Variants in RIMS2 observed in about 807,000 individuals in gnomAD.
RIMS2 encodes the protein regulating synaptic membrane exocytosis protein 2.
RIMS2 carries 59 observed loss-of-function variants against 174.4 expected under a neutral mutation model. The ratio of observed to expected loss-of-function variants is 0.34; its 90% CI spans 0.27 to 0.42. The LOEUF (loss-of-function observed/expected upper bound fraction) is 0.42, where lower values mean the gene tolerates loss of function less well. Ranked by LOEUF, RIMS2 falls within the 10% of genes least tolerant of loss-of-function variation. RIMS2 has a pLI of 1.00. For synonymous variants in RIMS2, 606 were observed against 572.5 expected (o/e 1.06, Z -0.84); for missense variants, 1,620 against 1,666.3 (o/e 0.97, Z 0.48).
intron 19 of RIMS2, among the ~76,000 whole-genome samples, chr8:104,217,262 GT>G (rs971189874): frequency 1.1e-5 from 1 of 88,594 alleles, no homozygotes; most frequent in Non-Finnish European, 1.9e-5. Flanking sequence ...TGAATATCTT[GT>G]TTTTTTGTTT....
chr8:104,076,630 AG>A (rs1252587625), intron 19 of RIMS2, among the ~76,000 whole-genome samples: 2 of 152,124 alleles, frequency 1.3e-5, no homozygotes, highest in Non-Finnish European at 2.9e-5. Flanking sequence ...TTTAGTGATT[AG>A]GGTTAAATAA....
At chr8:103,752,498 G>A (rs555980852) in intron 2 of RIMS2, among the ~76,000 whole-genome samples, 1 of 152,232 alleles carries the variant, frequency 6.6e-6, no homozygotes, top group East Asian at 1.9e-4. Context: ...AAAGTCATTG[G>A]TAGCTTGATG....
intron 1 of RIMS2, among the ~76,000 whole-genome samples, chr8:103,595,803 A>G (rs2094458483): frequency 1.3e-5 from 2 of 152,114 alleles, no homozygotes; most frequent in South Asian, 4.1e-4. Flanking sequence ...ATTTAGTCGT[A>G]GTATAATTTT....
intron 17 of RIMS2, among the ~76,000 whole-genome samples, chr8:104,004,394 GTTTC>G: frequency 6.6e-6 from 1 of 152,060 alleles, no homozygotes; most frequent in Non-Finnish European, 1.5e-5. Flanking sequence ...TAAAGGAATA[GTTTC>G]AAGAAGAAAG....
rs551168809 is a variant in RIMS2 at position 104,232,839 on chromosome 8, T to G, written c.3335-12077T>G. Among the ~76,000 whole-genome samples the G allele has an allele frequency of 5.5e-4, 84 of 151,904 alleles. 1 individual carries two copies. The highest frequency in any genetic ancestry group is 1.1e-3 in the Non-Finnish European group (73 of 67,992). On this transcript the variant is annotated intron_variant, in intron 19 of 23. Transcript: ENST00000504942. ...CAAAGCAGGCTAGAAAAGTAGCACCTTCCTATTTTAACTTCTATAGTTGAA... is the reference window on the plus strand; with the variant it reads ...CAAAGCAGGCTAGAAAAGTAGCACCGTCCTATTTTAACTTCTATAGTTGAA...
chr8:103,745,146 C>A (rs2097796173), intron 2 of RIMS2, among the ~76,000 whole-genome samples: 1 of 152,178 alleles, frequency 6.6e-6, no homozygotes, highest in South Asian at 2.1e-4. Context: ...TCATCACTAT[C>A]TTCCCAAAAA....
chr8:104,041,996 G>C (rs948909695), intron 19 of RIMS2, among the ~76,000 whole-genome samples: 4 of 151,480 alleles, frequency 2.6e-5, no homozygotes, highest in African/African-American at 9.7e-5. Flanking sequence ...ATGTGGTACT[G>C]TTCTAGGTGC....
chr8:104,118,465 C>A (rs1373574170), intron 19 of RIMS2, among the ~76,000 whole-genome samples: 1 of 150,222 alleles, frequency 6.7e-6, no homozygotes, highest in Non-Finnish European at 1.5e-5. Flanking sequence ...CTCCCAGGTT[C>A]AAGCAATTCT....
chr8:104,031,918 GT>G (rs1475203552), intron 19 of RIMS2, among the ~76,000 whole-genome samples: 5 of 151,414 alleles, frequency 3.3e-5, no homozygotes, highest in Non-Finnish European at 7.4e-5. Flanking sequence ...GATTAGTGTG[GT>G]AAATACTTTA....
intron 1 of RIMS2, among the ~76,000 whole-genome samples, chr8:103,683,832 T>G (rs896628122): frequency 6.6e-6 from 1 of 152,190 alleles, no homozygotes; most frequent in Non-Finnish European, 1.5e-5. Context: ...GGTGCTTGTT[T>G]TGTGTTAGCA....
At chr8:103,592,739 G>A (rs1410384663) in intron 1 of RIMS2, among the ~76,000 whole-genome samples, 1 of 151,434 alleles carries the variant, frequency 6.6e-6, no homozygotes, top group African/African-American at 2.4e-5. Flanking sequence ...TAAGGTATTA[G>A]CATTAAACTT....
At chr8:104,196,306 G>A (rs547825063) in intron 19 of RIMS2, among the ~76,000 whole-genome samples, 4 of 152,032 alleles carry the variant, frequency 2.6e-5, no homozygotes, top group African/African-American at 9.6e-5. Flanking sequence ...TTGGTTCACT[G>A]ATCGATTCTG....
At chr8:103,785,012 T>G (rs1032677904) in intron 3 of RIMS2, among the ~76,000 whole-genome samples, 2 of 141,660 alleles carry the variant, frequency 1.4e-5, no homozygotes, top group African/African-American at 5.4e-5. Flanking sequence ...TTCCTAGGTA[T>G]TTTATTCTCT....
chr8:103,553,740 G>A (rs1849116395), intron 1 of RIMS2, among the ~76,000 whole-genome samples: 3 of 150,914 alleles, frequency 2.0e-5, no homozygotes, highest in Admixed American at 6.6e-5. Context: ...AGCCCAAATA[G>A]CCAAGGCAAT....
intron 3 of RIMS2, among the ~76,000 whole-genome samples, chr8:103,770,726 A>ATT (rs11368780): frequency 4.1e-4 from 61 of 147,874 alleles, no homozygotes; most frequent in South Asian, 6.5e-4. Flanking sequence ...AATTAAACCT[A>ATT]TTTTTTTTTT....
rs186945128 is a variant in RIMS2, at chr8:104,157,659, T to C, written c.3335-87257T>C. 5.3e-5 allele frequency among the ~76,000 whole-genome samples: 8 copies of C among 152,356 alleles called. No homozygotes were observed. The East Asian group carries it at 1.5e-3, about 29-fold the overall frequency. On this transcript the variant is annotated intron_variant, in intron 19 of 23. Coordinates refer to ENST00000504942, the Ensembl canonical transcript of RIMS2. Reference sequence around the variant, plus strand: ...TCAGAATTTGCTTCTTTTTTAAGGCTGAATAATATTCCATTGTGTGTATGT... The same window carrying C: ...TCAGAATTTGCTTCTTTTTTAAGGCCGAATAATATTCCATTGTGTGTATGT...
intron 1 of RIMS2, among the ~76,000 whole-genome samples, chr8:103,573,732 T>C (rs2093006035): frequency 6.6e-6 from 1 of 152,224 alleles, no homozygotes; most frequent in Non-Finnish European, 1.5e-5. Flanking sequence ...AGAATTTTTT[T>C]AATTCTGTGA....
intron 9 of RIMS2, among the ~76,000 whole-genome samples, chr8:103,921,151 A>G (rs2077579108): frequency 1.3e-5 from 2 of 152,206 alleles, no homozygotes; most frequent in Non-Finnish European, 2.9e-5. Flanking sequence ...CAAGAATCAA[A>G]ATAGTGACAA....
At chr8:104,000,966 T>A (rs2095360156) in intron 17 of RIMS2, among the ~76,000 whole-genome samples, 2 of 152,040 alleles carry the variant, frequency 1.3e-5, no homozygotes, top group East Asian at 3.9e-4. Context: ...TGTTTATTAA[T>A]CCCTTGTTGG....
Sources: gnomAD v4.1 joint callset for allele counts (sites outside exome capture counted in the v4.1 genomes callset) on GRCh38, gnomAD v4.1.1 for gene constraint, MANE v1.5 for transcripts, NCBI Gene and HGNC (gene_info 2026-07-23, HGNC 2026-07-21) for gene names.